The following CX3CR1 variants were observed in gnomAD, a reference collection of about 807,000 sequenced individuals.
The protein encoded by CX3CR1 is C-X3-C motif chemokine receptor 1, also known as CX3C chemokine receptor 1.
For synonymous variants in CX3CR1, 168 were observed against 178.5 expected (o/e 0.94, Z 0.47); for missense variants, 363 against 432.4 (o/e 0.84, Z 1.42).
chr3:39,272,930 A>T (rs1468450072), intron 1 of CX3CR1, among the ~76,000 whole-genome samples: 4 of 152,180 alleles, frequency 2.6e-5, no homozygotes, highest in African/African-American at 9.7e-5. Flanking sequence ...ATCCCACCAC[A>T]TTCTCTTCAC....
At chr3:39,284,286 C>T (rs564856123), upstream of CX3CR1, among the ~76,000 whole-genome samples, 13 of 152,048 alleles carry the variant, frequency 8.5e-5, no homozygotes, top group Non-Finnish European at 1.8e-4. Flanking sequence ...CTCAGCTTCC[C>T]GAGTAGCTGG....
intron 1 of CX3CR1, among the ~76,000 whole-genome samples, chr3:39,266,914 G>A (rs1327893292): frequency 6.6e-6 from 1 of 152,066 alleles, no homozygotes; most frequent in Non-Finnish European, 1.5e-5. Flanking sequence ...CTCCCAAATA[G>A]CTGGGATTAT....
At chr3:39,266,633 A>C in intron 1 of CX3CR1, 115 bp from the exon 2 acceptor site, 1 of 1,017,244 alleles carries the variant, frequency 9.8e-7, no homozygotes. Context: ...TTGGGTGCAC[A>C]CTACATTTCC....
intron 1 of CX3CR1, 21 bp downstream of exon 1, chr3:39,279,933 C>G: frequency 1.0e-6 from 1 of 980,942 alleles, no homozygotes; most frequent in Non-Finnish European, 1.2e-6. Flanking sequence ...CACAGGTACC[C>G]AACTAGTCCT....
rs769191499 is a variant in CX3CR1, at chr3:39,263,552, A to G, written c.*1890T>C. 3.3e-5 allele frequency: 5 copies of G among 152,266 alleles called. No homozygotes were observed. The highest frequency in any genetic ancestry group is 4.8e-5 in the African/African-American group (2 of 41,470). 9.4% of individuals were successfully genotyped at this position (152,266 alleles called of 1,614,324 possible). A position where few individuals can be genotyped will look rare whatever the true frequency, so the allele number is the denominator to read the frequency against. On this transcript the variant is annotated 3_prime_UTR_variant, in exon 2 of 2. Coordinates refer to ENST00000399220, the MANE Select transcript of CX3CR1 (RefSeq NM_001337.4). Reference sequence around the variant, plus strand: ...TTGGAAACAAGTTAAATGTTTATCAATTGAGTAATGGCAAGTAAATTGGGG... The same window carrying G: ...TTGGAAACAAGTTAAATGTTTATCAGTTGAGTAATGGCAAGTAAATTGGGG...
upstream of CX3CR1, among the ~76,000 whole-genome samples, chr3:39,283,802 TA>T (rs1559371966): frequency 0.02 from 718 of 35,848 alleles, 27 homozygotes; most frequent in African/African-American, 0.085. Context: ...AAATTATATA[TA>T]TATATATATA....
the CX3CR1 span, among the ~76,000 whole-genome samples, chr3:39,288,617 G>C: frequency 6.6e-6 from 1 of 152,226 alleles, no homozygotes; most frequent in African/African-American, 2.4e-5. Flanking sequence ...TGGCTTCAGA[G>C]CTCCCCTCTG....
At chr3:39,288,755 A>G in the CX3CR1 span, among the ~76,000 whole-genome samples, 1 of 152,234 alleles carries the variant, frequency 6.6e-6, no homozygotes, top group Admixed American at 6.5e-5. Context: ...GTGATGAGCC[A>G]GCCGGCCCAC....
chr3:39,278,404 C>T (rs1056526292), intron 1 of CX3CR1, among the ~76,000 whole-genome samples: 4 of 152,130 alleles, frequency 2.6e-5, no homozygotes, highest in Non-Finnish European at 5.9e-5. Flanking sequence ...GTTTTGAACC[C>T]CAATCCACTG....
upstream of CX3CR1, among the ~76,000 whole-genome samples, chr3:39,283,796 TATATA>T (rs1467100108): frequency 4.8e-3 from 39 of 8,116 alleles, no homozygotes; most frequent in African/African-American, 0.032. Context: ...AAAAAAAAAT[TATATA>T]TATATATATA....
chr3:39,266,716 C>T (rs2040706318), intron 1 of CX3CR1, 198 bp from the exon 2 acceptor site: 1 of 761,842 alleles, frequency 1.3e-6, no homozygotes, highest in Admixed American at 1.7e-5. Context: ...ACTCTTCTGA[C>T]AGGAGAGGCG....
chr3:39,272,973 A>G (rs760428948), intron 1 of CX3CR1, among the ~76,000 whole-genome samples: 1 of 152,254 alleles, frequency 6.6e-6, no homozygotes, highest in Non-Finnish European at 1.5e-5. Context: ...TCCCCATGGT[A>G]TAAATTAACC....
chr3:39,280,246 T>C (rs937481983), upstream of CX3CR1: 8 of 985,486 alleles, frequency 8.1e-6, no homozygotes, highest in Non-Finnish European at 9.6e-6. Flanking sequence ...AGGTGCCACT[T>C]ACCCCAACCT....
intron 1 of CX3CR1, among the ~76,000 whole-genome samples, chr3:39,273,559 G>A (rs2040804193): frequency 6.6e-6 from 1 of 152,238 alleles, no homozygotes. Context: ...CTTGATGTAT[G>A]AAATTAAAGC....
rs56123998 is a variant in CX3CR1 at position 39,277,699 on chromosome 3, C to T, written c.-10+2255G>A. 4.2e-3 allele frequency among the ~76,000 whole-genome samples: 638 copies of T among 152,192 alleles called. 5 individuals are homozygous for T. Among genetic ancestry groups the T allele is most frequent in the African/African-American group, 0.015 (603 of 41,500 alleles). On this transcript the variant is annotated intron_variant, in intron 1 of 1. Coordinates refer to ENST00000399220, the MANE Select transcript of CX3CR1 (RefSeq NM_001337.4). ...CCACTGTGCCATAGCTGCCTAGGGC[C>T]GGGCAGGCTTCCTCCTGGGATGGGG...
upstream of CX3CR1, among the ~76,000 whole-genome samples, chr3:39,283,159 G>A (rs2040918843): frequency 6.6e-6 from 1 of 152,202 alleles, no homozygotes; most frequent in Non-Finnish European, 1.5e-5. Flanking sequence ...CCAAAGTGCT[G>A]GGATTACACG....
rs2040705780 is a variant in CX3CR1, at chr3:39,266,690, A to T, written c.-9-172T>A. On this transcript the variant is annotated intron_variant, in intron 1 of 1. Transcript: ENST00000399220. ...GTTTAATCCCCACAACAGTCTTGTGATGAAGACTGCAACAGACTCTTCTGA... is the reference window on the plus strand; with the variant it reads ...GTTTAATCCCCACAACAGTCTTGTGTTGAAGACTGCAACAGACTCTTCTGA... 3.8e-6 allele frequency: 3 copies of T among 779,808 alleles called. No individual in the cohort carries two copies. In the Admixed American group the frequency reaches 5.1e-5, roughly 13 times the overall value. The allele number at this position is 779,808 out of a possible 1,614,324, so 48.3% of individuals were successfully genotyped here.
At chr3:39,277,477 C>T (rs1364601975) in intron 1 of CX3CR1, among the ~76,000 whole-genome samples, 13 of 152,198 alleles carry the variant, frequency 8.5e-5, no homozygotes, top group African/African-American at 2.4e-4. Flanking sequence ...CTCCTATGAC[C>T]GTGACCTGCT....
upstream of CX3CR1, chr3:39,281,580 C>A: frequency 1.3e-6 from 2 of 1,583,274 alleles, no homozygotes; most frequent in Non-Finnish European, 1.7e-6. Flanking sequence ...TAACCTTCTC[C>A]GTTCTCTGTC....
Sources: gnomAD v4.1 joint callset for allele counts (sites outside exome capture counted in the v4.1 genomes callset) on GRCh38, gnomAD v4.1.1 for gene constraint, MANE v1.5 for transcripts, NCBI Gene and HGNC (gene_info 2026-07-23, HGNC 2026-07-21) for gene names.